ARHGEF9: variants seen among roughly 807,000 people sequenced by gnomAD.
ARHGEF9 encodes the protein Cdc42 guanine nucleotide exchange factor 9, also known as rho guanine nucleotide exchange factor 9.
In ARHGEF9, 2 loss-of-function variants were observed where a neutral mutation model predicts 41.3. That is an observed-to-expected ratio of 0.05 (90% CI 0.02 to 0.15). ARHGEF9 has a LOEUF of 0.15. Ranked by LOEUF, ARHGEF9 falls within the 10% of genes least tolerant of loss-of-function variation. The pLI is 1.00. For missense variants in ARHGEF9, 225 were observed against 424.7 expected (o/e 0.53, Z 4.13); for synonymous variants, 160 against 154.4 (o/e 1.04, Z -0.27).
chrX:63,683,004 A>C (rs1299994969), intron 4 of ARHGEF9, among the ~76,000 whole-genome samples: 1 of 111,203 alleles, frequency 9.0e-6, no homozygotes, highest in Non-Finnish European at 1.9e-5. Context: ...GATAAGAAAA[A>C]TAAATAAAAT....
At chrX:63,755,836 G>C (rs1556446533) in intron 1 of ARHGEF9, 1 of 753,495 alleles carries the variant, frequency 1.3e-6, no homozygotes, top group Non-Finnish European at 1.6e-6. Flanking sequence ...GCCCTTACCT[G>C]GTCAGATTTC....
chrX:63,661,747 T>C (rs1464741476), intron 7 of ARHGEF9, among the ~76,000 whole-genome samples: 1 of 110,825 alleles, frequency 9.0e-6, no homozygotes, highest in Non-Finnish European at 1.9e-5. Flanking sequence ...ACGTACTCTC[T>C]TGCTCTCCTT....
At chrX:63,727,190 C>G (rs1245141368) in intron 1 of ARHGEF9, 1 of 111,814 alleles carries the variant, frequency 8.9e-6, no homozygotes, top group African/African-American at 3.3e-5. Context: ...CAATTACCAA[C>G]CTTCTGCTCA....
intron 1 of ARHGEF9, among the ~76,000 whole-genome samples, chrX:63,726,866 A>C (rs1240514156): frequency 3.6e-5 from 4 of 112,048 alleles, no homozygotes; most frequent in African/African-American, 1.3e-4. Flanking sequence ...GGAGATGTAC[A>C]CAGCCACCTT....
At chrX:63,680,787 C>T (rs7878653) in intron 4 of ARHGEF9, among the ~76,000 whole-genome samples, 1,121 of 111,767 alleles carry the variant, frequency 0.01, 9 homozygotes, top group African/African-American at 0.034. Context: ...TATCAGCAGA[C>T]GCCCTGCAGC....
Position 63,703,496 on chromosome X carries a change from T to A in ARHGEF9, c.402+2762A>T, listed in dbSNP as rs187118479. Among the ~76,000 whole-genome samples the A allele has an allele frequency of 7.0e-3, 790 of 112,470 alleles. 3 individuals carry two copies. The highest frequency in any genetic ancestry group is 0.013 in the Non-Finnish European group (671 of 53,299). Reference sequence around the variant, plus strand: ...ACTTTTGTCCTGTTTGAAGATCAAATGACATATGATGTGAATGTACTTTGC... The same window carrying A: ...ACTTTTGTCCTGTTTGAAGATCAAAAGACATATGATGTGAATGTACTTTGC... On this transcript the variant is annotated intron_variant, in intron 3 of 9. Transcript: ENST00000671741.
At chrX:63,652,082 AC>A (rs2048582764) in intron 8 of ARHGEF9, among the ~76,000 whole-genome samples, 1 of 111,688 alleles carries the variant, frequency 9.0e-6, no homozygotes, top group Non-Finnish European at 1.9e-5. Flanking sequence ...ATGTATTAAA[AC>A]TGTTCACATC....
At chrX:63,727,162 C>G (rs2054021071) in intron 1 of ARHGEF9, 1 of 111,883 alleles carries the variant, frequency 8.9e-6, no homozygotes, top group Non-Finnish European at 1.9e-5. Context: ...TATCAAGGGT[C>G]AAAGAGTATC....
At chrX:63,764,025 T>C (rs1236155034) in intron 1 of ARHGEF9, among the ~76,000 whole-genome samples, 1 of 111,872 alleles carries the variant, frequency 8.9e-6, no homozygotes, top group African/African-American at 3.2e-5. Flanking sequence ...AAAATTGTCA[T>C]AGTTCAACTT....
Position 63,635,614 on chromosome X carries a change from T to A in ARHGEF9, c.*2414A>T. ...TCTTGTTGTTCACAAATTAGTGGCATCAGGTGATGCCAGTGGGTTCAGTAG... is the reference window on the plus strand; with the variant it reads ...TCTTGTTGTTCACAAATTAGTGGCAACAGGTGATGCCAGTGGGTTCAGTAG... On this transcript the variant is annotated 3_prime_UTR_variant, in exon 10 of 10. Transcript: ENST00000671741. 1 of 395,128 alleles carries A rather than the reference T, an allele frequency of 2.5e-6. No homozygotes were observed. The highest frequency in any genetic ancestry group is 4.4e-6 in the Non-Finnish European group (1 of 229,818). The allele number at this position is 395,128 out of a possible 1,213,427, so 32.6% of individuals were successfully genotyped here.
chrX:63,652,243 C>G (rs782563289), intron 8 of ARHGEF9, among the ~76,000 whole-genome samples: 1 of 111,523 alleles, frequency 9.0e-6, no homozygotes, highest in Non-Finnish European at 1.9e-5. Context: ...TAGCAAAAAA[C>G]GAACAGTCAG....
chrX:63,703,800 T>C (rs2052352699), intron 3 of ARHGEF9, among the ~76,000 whole-genome samples: 2 of 111,525 alleles, frequency 1.8e-5, no homozygotes, highest in South Asian at 3.8e-4. Flanking sequence ...CAGGTTTCAA[T>C]AGAATGCTTA....
At chrX:63,663,427 T>G (rs1336026036) in intron 7 of ARHGEF9, among the ~76,000 whole-genome samples, 14 of 111,525 alleles carry the variant, frequency 1.3e-4, no homozygotes, top group Non-Finnish European at 2.4e-4. Flanking sequence ...TTTCCTCCTT[T>G]TTAAATATGA....
intron 1 of ARHGEF9, among the ~76,000 whole-genome samples, chrX:63,736,558 G>A (rs782623541): frequency 7.2e-5 from 8 of 111,682 alleles, no homozygotes; most frequent in African/African-American, 2.6e-4. Context: ...AGAAAAATGA[G>A]GCTCCAATGA....
chrX:63,738,198 G>T (rs1244076608), intron 1 of ARHGEF9, among the ~76,000 whole-genome samples: 1 of 111,194 alleles, frequency 9.0e-6, no homozygotes, highest in Admixed American at 9.6e-5. Context: ...AGCATAGCAA[G>T]GTACAGAACA....
intron 1 of ARHGEF9, among the ~76,000 whole-genome samples, chrX:63,741,478 G>A (rs2054943145): frequency 2.7e-5 from 3 of 112,675 alleles, no homozygotes; most frequent in South Asian, 7.2e-4. Flanking sequence ...AGGGAAGGAC[G>A]TGTTCTGCAT....
At chrX:63,772,253 G>A (rs1398055657) in intron 1 of ARHGEF9, among the ~76,000 whole-genome samples, 1 of 111,485 alleles carries the variant, frequency 9.0e-6, no homozygotes, top group African/African-American at 3.3e-5. Context: ...AAGTCCCATT[G>A]ATTTTATTTC....
chrX:63,713,785 G>A (rs1456001319), intron 2 of ARHGEF9, among the ~76,000 whole-genome samples: 3 of 110,196 alleles, frequency 2.7e-5, no homozygotes, highest in Admixed American at 9.6e-5. Flanking sequence ...AGTGCTTAGG[G>A]ATTCCTGAAT....
chrX:63,783,535 C>A (rs193025761), intron 1 of ARHGEF9, among the ~76,000 whole-genome samples: 7 of 111,830 alleles, frequency 6.3e-5, no homozygotes, highest in South Asian at 3.7e-4. Context: ...GGATTACAGG[C>A]GTGGGCGGCC....
Sources: gnomAD v4.1 joint callset for allele counts (sites outside exome capture counted in the v4.1 genomes callset) on GRCh38, gnomAD v4.1.1 for gene constraint, MANE v1.5 for transcripts, NCBI Gene and HGNC (gene_info 2026-07-23, HGNC 2026-07-21) for gene names.